Variants in HORMAD2 observed in about 807,000 individuals in gnomAD.
The protein encoded by HORMAD2 is HORMA domain containing 2, also known as HORMA domain-containing protein 2.
In HORMAD2, 45 loss-of-function variants were observed where a neutral mutation model predicts 38.8. That is an observed-to-expected ratio of 1.16 (90% confidence interval 0.91 to 1.49). HORMAD2 has a LOEUF of 1.49. Among genes scored for constraint, HORMAD2 ranks in the 40% most tolerant of loss-of-function variants. HORMAD2 has a pLI of 0.00. For missense variants in HORMAD2, 338 were observed against 367.0 expected (o/e 0.92, Z 0.65); for synonymous variants, 126 against 122.8 (o/e 1.03, Z -0.17).
chr22:30,080,803 C>A (rs1391712856), intron 1 of HORMAD2, among the ~76,000 whole-genome samples: 3 of 152,142 alleles, frequency 2.0e-5, no homozygotes, highest in East Asian at 3.9e-4. Context: ...CCATAATGAG[C>A]CATGATGAGG....
At chr22:30,164,123 C>A (rs1290404033) in intron 10 of HORMAD2, among the ~76,000 whole-genome samples, 2 of 152,134 alleles carry the variant, frequency 1.3e-5, no homozygotes, top group African/African-American at 4.8e-5. Flanking sequence ...GAGCATGTAT[C>A]AGAATATCTT....
intron 5 of HORMAD2, among the ~76,000 whole-genome samples, chr22:30,108,061 G>A (rs930854186): frequency 4.0e-5 from 6 of 151,366 alleles, no homozygotes; most frequent in Admixed American, 2.6e-4. Context: ...AGTAGAGATG[G>A]GGTTTCAATT....
rs200014976 is a variant in HORMAD2 at position 30,123,982 on chromosome 22, ATTTC to A, written c.819+1776_819+1779del. Among the ~76,000 whole-genome samples, 491 of 151,564 alleles carry A rather than the reference ATTTC, an allele frequency of 3.2e-3. 16 individuals carry two copies. The South Asian group carries it at 0.046, about 14-fold the overall frequency. ...TTAGATTTTTACCTTTTAATTAAGA[ATTTC>A]TTTCTTTTTTTTTTTTAATCAAATG... On this transcript the variant is annotated intron_variant, in intron 10 of 10. Coordinates refer to ENST00000336726, the MANE Select transcript of HORMAD2 (RefSeq NM_152510.4).
At chr22:30,115,229 C>T (rs762843028) in intron 7 of HORMAD2, among the ~76,000 whole-genome samples, 4 of 152,058 alleles carry the variant, frequency 2.6e-5, no homozygotes, top group Non-Finnish European at 4.4e-5. Context: ...TAGGCCCAAG[C>T]GATCCTCCAA....
At chr22:30,168,404 G>A (rs1315945267) in intron 10 of HORMAD2, among the ~76,000 whole-genome samples, 2 of 152,068 alleles carry the variant, frequency 1.3e-5, no homozygotes, top group Non-Finnish European at 2.9e-5. Flanking sequence ...TTAGATATGT[G>A]CCCTTGATGC....
intron 3 of HORMAD2, among the ~76,000 whole-genome samples, chr22:30,099,693 C>T (rs1279939522): frequency 6.6e-6 from 1 of 152,144 alleles, no homozygotes; most frequent in African/African-American, 2.4e-5. Context: ...TCGAGACCAG[C>T]CTGGCCAACA....
chr22:30,202,195 G>A, the HORMAD2 span, among the ~76,000 whole-genome samples: 15 of 152,288 alleles, frequency 9.8e-5, no homozygotes, highest in East Asian at 2.9e-3. Flanking sequence ...AGATGTTAGG[G>A]CAATAACAGG....
chr22:30,104,081 G>A (rs1448199193), intron 4 of HORMAD2, among the ~76,000 whole-genome samples: 1 of 152,052 alleles, frequency 6.6e-6, no homozygotes, highest in African/African-American at 2.4e-5. Flanking sequence ...TAAAAACTGT[G>A]ATAAAATATT....
the HORMAD2 span, among the ~76,000 whole-genome samples, chr22:30,199,978 A>G: frequency 6.6e-6 from 1 of 152,022 alleles, no homozygotes; most frequent in South Asian, 2.1e-4. Context: ...GTCCAGTGGC[A>G]CGACCTCAGC....
the HORMAD2 span, among the ~76,000 whole-genome samples, chr22:30,182,134 T>G: frequency 6.6e-6 from 1 of 152,208 alleles, no homozygotes; most frequent in African/African-American, 2.4e-5. Flanking sequence ...GTCACCCTAC[T>G]TACTAGCTGT....
At chr22:30,194,805 CT>C in the HORMAD2 span, among the ~76,000 whole-genome samples, 2 of 152,160 alleles carry the variant, frequency 1.3e-5, no homozygotes, top group African/African-American at 4.8e-5. Context: ...AGGAACATTG[CT>C]TTGGCCAACA....
At chr22:30,134,449 A>T (rs946715120) in intron 10 of HORMAD2, among the ~76,000 whole-genome samples, 4 of 147,482 alleles carry the variant, frequency 2.7e-5, no homozygotes, top group Non-Finnish European at 6.0e-5. Context: ...ATCATAAATA[A>T]ATATATTATA....
At position 30,118,356 on chromosome 22, in the gene HORMAD2, T is replaced by C. The variant is rs145546142; in HGVS notation, c.343-624T>C. Reference sequence around the variant, plus strand: ...TGCCTGAGGCACCCCACCCCCAAGATCTGCACATAACTGACCCTTGAGGCT... The same window carrying C: ...TGCCTGAGGCACCCCACCCCCAAGACCTGCACATAACTGACCCTTGAGGCT... On this transcript the variant is annotated intron_variant, in intron 7 of 10. Coordinates refer to ENST00000336726, the MANE Select transcript of HORMAD2 (RefSeq NM_152510.4). Among the ~76,000 whole-genome samples the C allele has an allele frequency of 7.6e-4, 115 of 152,208 alleles. 2 individuals carry two copies. In the East Asian group the frequency reaches 0.017, roughly 23 times the overall value.
intron 10 of HORMAD2, among the ~76,000 whole-genome samples, chr22:30,154,758 G>T (rs981660582): frequency 1.3e-5 from 2 of 152,092 alleles, no homozygotes; most frequent in African/African-American, 4.8e-5. Context: ...TAGATTCAGG[G>T]TATGCATCTT....
chr22:30,119,151 C>A, intron 8 of HORMAD2, 104 bp downstream of exon 8: 1 of 728,482 alleles, frequency 1.4e-6, no homozygotes, highest in East Asian at 2.8e-5. Flanking sequence ...CACATTTCCC[C>A]ACAAACCCTA....
chr22:30,092,739 A>C (rs1455346746), intron 1 of HORMAD2, among the ~76,000 whole-genome samples: 2 of 152,032 alleles, frequency 1.3e-5, no homozygotes, highest in African/African-American at 4.8e-5. Context: ...ATTTTTTGAC[A>C]AGGGTATCTT....
chr22:30,164,084 C>T (rs1020702328), intron 10 of HORMAD2, among the ~76,000 whole-genome samples: 9 of 152,292 alleles, frequency 5.9e-5, no homozygotes, highest in African/African-American at 2.2e-4. Flanking sequence ...TTTCACTTAG[C>T]ATAATGTCCT....
chr22:30,193,328 G>A, the HORMAD2 span, among the ~76,000 whole-genome samples: 1 of 152,170 alleles, frequency 6.6e-6, no homozygotes, highest in African/African-American at 2.4e-5. Context: ...TATGTGTCAG[G>A]TATGAGGTTG....
intron 10 of HORMAD2, among the ~76,000 whole-genome samples, chr22:30,155,810 T>C (rs1176534512): frequency 1.3e-5 from 2 of 152,230 alleles, no homozygotes; most frequent in African/African-American, 2.4e-5. Context: ...GAGAACTGGC[T>C]GCCATTATCA....
Sources: allele counts gnomAD v4.1 joint callset (sites outside exome capture counted in the v4.1 genomes callset), GRCh38; gene constraint gnomAD v4.1.1; transcripts MANE v1.5; gene names NCBI Gene and HGNC (gene_info 2026-07-23, HGNC 2026-07-21).